DPYD: variants seen among roughly 807,000 people sequenced by gnomAD.
DPYD encodes the protein dihydropyrimidine dehydrogenase.
Under a neutral mutation model 116.2 loss-of-function variants are expected in DPYD, and 109 were observed. That is an observed-to-expected ratio of 0.94 (90% confidence interval 0.80 to 1.10). The LOEUF (loss-of-function observed/expected upper bound fraction) is 1.10. Ranked by LOEUF, DPYD falls within the 50% of genes least tolerant of loss-of-function variation. DPYD has a pLI of 0.00. For missense variants in DPYD, 1,302 were observed against 1,254.5 expected (o/e 1.04, Z -0.57); for synonymous variants, 440 against 432.0 (o/e 1.02, Z -0.23).
At chr1:97,486,116 G>A (rs541897453) in intron 13 of DPYD, among the ~76,000 whole-genome samples, 19 of 152,208 alleles carry the variant, frequency 1.2e-4, no homozygotes, top group African/African-American at 3.9e-4. Flanking sequence ...TAATTTTAAA[G>A]AGGCACATCA....
Position 97,143,634 on chromosome 1 carries a change from T to C in DPYD, c.2623-45002A>G, listed in dbSNP as rs541072596. On this transcript the variant is annotated intron_variant, in intron 20 of 22. Transcript: ENST00000370192. ...CCTCACCTCTTTTCACACAGGAGTT[T>C]CTTAGAATTTAAGTTTGGCAAACAC... Among the ~76,000 whole-genome samples, 233 of 152,244 alleles carry C rather than the reference T, an allele frequency of 1.5e-3. 6 individuals carry two copies. In the South Asian group the frequency reaches 0.046, roughly 30 times the overall value.
chr1:97,402,253 C>T (rs1177439370), intron 14 of DPYD, among the ~76,000 whole-genome samples: 3 of 152,104 alleles, frequency 2.0e-5, no homozygotes, highest in African/African-American at 4.8e-5. Context: ...TATACATGAA[C>T]ATGGAATATC....
At chr1:97,412,259 T>C (rs943916645) in intron 14 of DPYD, among the ~76,000 whole-genome samples, 5 of 152,190 alleles carry the variant, frequency 3.3e-5, no homozygotes, top group Admixed American at 6.5e-5. Context: ...TTGAAGATAA[T>C]ACACTGAAGG....
intron 3 of DPYD, among the ~76,000 whole-genome samples, chr1:97,823,925 A>C (rs1224097134): frequency 1.3e-5 from 2 of 151,102 alleles, no homozygotes; most frequent in African/African-American, 4.9e-5. Context: ...ACAAACAAAC[A>C]AAAAAAACCT....
At chr1:97,218,334 T>C (rs940053870) in intron 19 of DPYD, among the ~76,000 whole-genome samples, 3 of 152,040 alleles carry the variant, frequency 2.0e-5, no homozygotes, top group Non-Finnish European at 4.4e-5. Flanking sequence ...TACTGATTTA[T>C]GAAGAAAAAA....
At chr1:97,526,305 G>C (rs1344380388) in intron 12 of DPYD, among the ~76,000 whole-genome samples, 2 of 152,136 alleles carry the variant, frequency 1.3e-5, no homozygotes, top group Middle Eastern at 6.8e-3. Context: ...TCTATGTACA[G>C]CTACTTTATT....
intron 20 of DPYD, among the ~76,000 whole-genome samples, chr1:97,119,811 T>C (rs1282355480): frequency 6.6e-6 from 1 of 152,172 alleles, no homozygotes; most frequent in East Asian, 1.9e-4. Flanking sequence ...TCTCTTCAGC[T>C]GATATTTCAA....
chr1:97,673,714 C>A (rs141498443), intron 8 of DPYD, among the ~76,000 whole-genome samples: 1 of 151,952 alleles, frequency 6.6e-6, no homozygotes, highest in Admixed American at 6.6e-5. Context: ...AGCAGGAACA[C>A]AGAGTTTGTG....
rs200121513 is a variant in DPYD at position 97,355,186 on chromosome 1, TC to T, written c.2058+18374del. Among the ~76,000 whole-genome samples the T allele has an allele frequency of 4.9e-3, 753 of 152,300 alleles. 7 individuals are homozygous for T. Among genetic ancestry groups the T allele is most frequent in the African/African-American group, 0.016 (682 of 41,568 alleles). ...GGAAACTATATTTCACTTTATGTAT[TC>T]TAAATCTATCATCTCTATAGGAATA... On this transcript the variant is annotated intron_variant, in intron 16 of 22. Transcript: ENST00000370192.
chr1:97,241,723 A>G (rs772256504), intron 18 of DPYD, among the ~76,000 whole-genome samples: 98 of 152,016 alleles, frequency 6.4e-4, no homozygotes, highest in Admixed American at 7.9e-4. Flanking sequence ...TCAACTTCCT[A>G]AAACATTGGT....
chr1:97,686,449 A>C (rs1272375031), intron 7 of DPYD, among the ~76,000 whole-genome samples: 35 of 150,988 alleles, frequency 2.3e-4, no homozygotes, highest in African/African-American at 7.9e-4. Context: ...ATCCTGGCTA[A>C]CACGGTGAAA....
intron 12 of DPYD, among the ~76,000 whole-genome samples, chr1:97,528,405 T>TA (rs953408554): frequency 1.3e-5 from 2 of 152,152 alleles, no homozygotes; most frequent in Non-Finnish European, 1.5e-5. Flanking sequence ...AATCTGAGCA[T>TA]AAAATAAGAC....
chr1:97,225,897 C>T lies in DPYD; in HGVS notation c.2442+8955G>A, dbSNP rs1054166535. ...ATTTTGAGTTTGAGTTTCAGCTGAG[C>T]CCAGTATTACGCTGAAGCCAAACCC... On this transcript the variant is annotated intron_variant, in intron 19 of 22. Transcript: ENST00000370192. 2.6e-5 allele frequency among the ~76,000 whole-genome samples: 4 copies of T among 151,812 alleles called. No individual in the cohort carries two copies. In the East Asian group the frequency reaches 7.7e-4, roughly 29 times the overall value.
chr1:97,642,400 A>T (rs1657972891), intron 8 of DPYD, among the ~76,000 whole-genome samples: 1 of 152,066 alleles, frequency 6.6e-6, no homozygotes, highest in Non-Finnish European at 1.5e-5. Flanking sequence ...AGATATATAG[A>T]CCAATGGAAC....
At chr1:97,187,540 G>A (rs535590515) in intron 20 of DPYD, among the ~76,000 whole-genome samples, 7 of 152,026 alleles carry the variant, frequency 4.6e-5, no homozygotes, top group Admixed American at 2.0e-4. Context: ...CTGTTATCTC[G>A]ATTATTTCAT....
intron 14 of DPYD, among the ~76,000 whole-genome samples, chr1:97,407,222 G>A (rs1029183219): frequency 5.9e-5 from 9 of 152,098 alleles, no homozygotes; most frequent in African/African-American, 1.4e-4. Flanking sequence ...ATGGAATGAT[G>A]CACAACATCA....
In DPYD at chr1:97,449,376, A is replaced by G. The variant is rs569526017; in HGVS notation, c.1905+683T>C. On this transcript the variant is annotated intron_variant, in intron 14 of 22. Transcript: ENST00000370192. The stretch of plus-strand genomic sequence containing the variant: ...AATTGAGGAGGAGGGAGGGGAAAAG[A>G]GAGGAAGGATGAGAGAGAGAAAGAG... Among the ~76,000 whole-genome samples the G allele has an allele frequency of 1.1e-3, 173 of 152,146 alleles. 1 individual carries two copies. The highest frequency in any genetic ancestry group is 3.8e-3 in the African/African-American group (159 of 41,536).
chr1:97,579,611 G>C (rs1369202879), intron 10 of DPYD, among the ~76,000 whole-genome samples: 1 of 152,216 alleles, frequency 6.6e-6, no homozygotes, highest in Non-Finnish European at 1.5e-5. Flanking sequence ...GTCAGTGTTA[G>C]TGCCTTTTAA....
rs557215363 is a variant in DPYD, at chr1:97,781,649, T to A, written c.234-41170A>T. On this transcript the variant is annotated intron_variant, in intron 3 of 22. Transcript: ENST00000370192. ...GATGTGATAAAGATCACTGAGTTCCTGAGAGTATCCATGAACACACCTTCC... is the reference window on the plus strand; with the variant it reads ...GATGTGATAAAGATCACTGAGTTCCAGAGAGTATCCATGAACACACCTTCC... Among the ~76,000 whole-genome samples the A allele has an allele frequency of 6.5e-3, 995 of 152,292 alleles. 13 individuals carry two copies. The highest frequency in any genetic ancestry group is 0.023 in the African/African-American group (936 of 41,544).
Sources: gnomAD v4.1 joint callset for allele counts (sites outside exome capture counted in the v4.1 genomes callset) on GRCh38, gnomAD v4.1.1 for gene constraint, MANE v1.5 for transcripts, NCBI Gene and HGNC (gene_info 2026-07-23, HGNC 2026-07-21) for gene names.